PHYHIPL: variants seen among roughly 807,000 people sequenced by gnomAD.
PHYHIPL encodes the protein phytanoyl-CoA hydroxylase-interacting protein-like.
Under a neutral mutation model 33.4 loss-of-function variants are expected in PHYHIPL, and 9 were observed. The ratio of observed to expected loss-of-function variants is 0.27; its 90% CI spans 0.16 to 0.47. The LOEUF (loss-of-function observed/expected upper bound fraction) is 0.47, where lower values mean the gene tolerates loss of function less well. Ranked by LOEUF, PHYHIPL falls within the 20% of genes least tolerant of loss-of-function variation. The pLI is 0.99. For missense variants in PHYHIPL, 365 were observed against 460.7 expected (o/e 0.79, Z 1.90); for synonymous variants, 153 against 154.1 (o/e 0.99, Z 0.05).
At chr10:59,182,952 A>T (rs1037191209) in intron 1 of PHYHIPL, among the ~76,000 whole-genome samples, 8 of 152,334 alleles carry the variant, frequency 5.3e-5, no homozygotes, top group South Asian at 2.1e-4. Context: ...AAACATCCTG[A>T]TGACATTAAT....
rs569782272 is a variant in PHYHIPL, at chr10:59,185,609, C to T, written c.106+8650C>T. Among the ~76,000 whole-genome samples, 10 of 152,320 alleles carry T rather than the reference C, an allele frequency of 6.6e-5. No homozygotes were observed. In the South Asian group the frequency reaches 2.1e-3, roughly 32 times the overall value. On this transcript the variant is annotated intron_variant, in intron 1 of 4. Transcript: ENST00000373880. ...GTGTAAAAGTGTTCATATTTCTCCA[C>T]ATCCTCTCCAGCACCTGTTGTTTCC...
At chr10:59,186,219 G>T (rs908957048) in intron 1 of PHYHIPL, among the ~76,000 whole-genome samples, 1 of 152,166 alleles carries the variant, frequency 6.6e-6, no homozygotes, top group African/African-American at 2.4e-5. Context: ...TTATTAAATA[G>T]GGAATCCTTT....
At chr10:59,231,786 T>C (rs1352472121) in intron 1 of PHYHIPL, among the ~76,000 whole-genome samples, 2 of 152,052 alleles carry the variant, frequency 1.3e-5, no homozygotes, top group Non-Finnish European at 2.9e-5. Flanking sequence ...GTACCACATA[T>C]GGAACATTCA....
intron 2 of PHYHIPL, among the ~76,000 whole-genome samples, chr10:59,235,203 A>C (rs921365197): frequency 6.6e-6 from 1 of 151,568 alleles, no homozygotes; most frequent in Admixed American, 6.6e-5. Flanking sequence ...TTTGATAATG[A>C]AATTTTTTTG....
chr10:59,238,913 T>C, intron 4 of PHYHIPL: 1 of 470,280 alleles, frequency 2.1e-6, no homozygotes, highest in Non-Finnish European at 3.8e-6. Context: ...CCATAATCAT[T>C]TGTGATACCA....
intron 1 of PHYHIPL, among the ~76,000 whole-genome samples, chr10:59,200,336 C>T (rs753304029): frequency 6.6e-5 from 10 of 151,912 alleles, no homozygotes; most frequent in Non-Finnish European, 1.5e-4. Flanking sequence ...TATCTTTGGT[C>T]CTGTTTATAT....
chr10:59,210,425 A>T (rs1839409880), intron 1 of PHYHIPL, among the ~76,000 whole-genome samples: 1 of 152,242 alleles, frequency 6.6e-6, no homozygotes, highest in Non-Finnish European at 1.5e-5. Context: ...GTCAGGAAAC[A>T]TCAGATGCTG....
chr10:59,220,750 C>T (rs1169146406), intron 1 of PHYHIPL, among the ~76,000 whole-genome samples: 1 of 151,952 alleles, frequency 6.6e-6, no homozygotes, highest in Non-Finnish European at 1.5e-5. Context: ...TGGTTAGGAA[C>T]CTGTACTTGA....
At chr10:59,244,575 A>AAAAAAAAAAAAAAAAAAAAAAAAAC (rs1840571250) in intron 4 of PHYHIPL, among the ~76,000 whole-genome samples, 1 of 147,288 alleles carries the variant, frequency 6.8e-6, no homozygotes, top group Non-Finnish European at 1.5e-5. Flanking sequence ...AAAAAAAAAA[A>AAAAAAAAAAAAAAAAAAAAAAAAAC]AAAAAAAAAA....
At chr10:59,195,856 A>G (rs1838898108) in intron 1 of PHYHIPL, among the ~76,000 whole-genome samples, 1 of 152,098 alleles carries the variant, frequency 6.6e-6, no homozygotes, top group Non-Finnish European at 1.5e-5. Flanking sequence ...ATGTTTATGA[A>G]CTCCAGAAGG....
intron 4 of PHYHIPL, among the ~76,000 whole-genome samples, chr10:59,239,332 G>A (rs1840321816): frequency 1.3e-5 from 2 of 152,000 alleles, no homozygotes; most frequent in Non-Finnish European, 2.9e-5. Flanking sequence ...GGCAAAAAGA[G>A]AGCTTGTGCA....
chr10:59,180,359 T>TATATATATATAC (rs1564698961), intron 1 of PHYHIPL, among the ~76,000 whole-genome samples: 10 of 112,552 alleles, frequency 8.9e-5, no homozygotes, highest in African/African-American at 3.3e-4. Context: ...TATATATATA[T>TATATATATATAC]ATACTTTTTC....
chr10:59,208,032 A>T (rs1839338389), intron 1 of PHYHIPL, among the ~76,000 whole-genome samples: 1 of 152,148 alleles, frequency 6.6e-6, no homozygotes, highest in Non-Finnish European at 1.5e-5. Flanking sequence ...GCCAACTCTG[A>T]AGAGAGAAGT....
chr10:59,234,083 A>T (rs1589294593), intron 1 of PHYHIPL, among the ~76,000 whole-genome samples: 1 of 151,822 alleles, frequency 6.6e-6, no homozygotes, highest in East Asian at 1.9e-4. Context: ...TTTTAGAGGG[A>T]ACCTAACCAT....
At chr10:59,193,618 C>CT (rs1041299644) in intron 1 of PHYHIPL, among the ~76,000 whole-genome samples, 9 of 152,210 alleles carry the variant, frequency 5.9e-5, no homozygotes, top group African/African-American at 2.2e-4. Flanking sequence ...GACATAGTCT[C>CT]TTTTTTTAAA....
At chr10:59,182,421 C>T (rs1041692950) in intron 1 of PHYHIPL, among the ~76,000 whole-genome samples, 4 of 152,152 alleles carry the variant, frequency 2.6e-5, no homozygotes, top group Admixed American at 2.6e-4. Flanking sequence ...TGGCTCACTG[C>T]AACCTCCGCC....
intron 1 of PHYHIPL, chr10:59,177,676 C>T: frequency 6.5e-7 from 1 of 1,532,124 alleles, no homozygotes; most frequent in South Asian, 1.2e-5. Context: ...AGTTGGCAGG[C>T]TCCTGTGGAA....
chr10:59,194,593 T>C (rs2133205245), intron 1 of PHYHIPL, among the ~76,000 whole-genome samples: 1 of 152,326 alleles, frequency 6.6e-6, no homozygotes, highest in South Asian at 2.1e-4. Flanking sequence ...AACACATTAA[T>C]CAGGGAATAG....
chr10:59,208,184 A>G (rs1014745661), intron 1 of PHYHIPL, among the ~76,000 whole-genome samples: 2 of 152,158 alleles, frequency 1.3e-5, no homozygotes, highest in Non-Finnish European at 2.9e-5. Flanking sequence ...TCCGGCTGGC[A>G]TCTGGCGGAT....
Sources: allele counts gnomAD v4.1 joint callset (sites outside exome capture counted in the v4.1 genomes callset), GRCh38; gene constraint gnomAD v4.1.1; transcripts MANE v1.5; gene names NCBI Gene and HGNC (gene_info 2026-07-23, HGNC 2026-07-21).